The following LRPPRC variants were observed in gnomAD, a reference collection of about 807,000 sequenced individuals.
LRPPRC encodes leucine-rich PPR motif-containing protein, mitochondrial.
Under a neutral mutation model 180.3 loss-of-function variants are expected in LRPPRC, and 120 were observed. That is an observed-to-expected ratio of 0.67 (90% confidence interval 0.57 to 0.77). The LOEUF is 0.77. Among genes scored for constraint, LRPPRC ranks in the 30% least tolerant of loss-of-function variants. The pLI is 0.00. For synonymous variants in LRPPRC, 723 were observed against 600.0 expected (o/e 1.21, Z -3.00); for missense variants, 2,012 against 1,657.2 (o/e 1.21, Z -3.72).
intron 16 of LRPPRC, among the ~76,000 whole-genome samples, chr2:43,949,250 G>A (rs537887309): frequency 6.6e-6 from 1 of 152,214 alleles, no homozygotes; most frequent in East Asian, 1.9e-4. Flanking sequence ...AAATCCACAA[G>A]AACCTTCGCT....
chr2:43,951,534 G>A (rs1403002861), intron 14 of LRPPRC, among the ~76,000 whole-genome samples: 1 of 152,164 alleles, frequency 6.6e-6, no homozygotes. Context: ...TGTCAGGTAT[G>A]ATATTACGGT....
chr2:43,993,242 C>G (rs116080101), intron 1 of LRPPRC, among the ~76,000 whole-genome samples: 1 of 152,112 alleles, frequency 6.6e-6, no homozygotes, highest in African/African-American at 2.4e-5. Context: ...ATTAGAAGGA[C>G]AGCTATCAAT....
chr2:43,959,343 T>C lies in LRPPRC; in HGVS notation c.1582+1198A>G, dbSNP rs1313553849. On this transcript the variant is annotated intron_variant, in intron 13 of 37. Transcript: ENST00000260665. ...TTTTTCATACTGGACACTTTGCCTT[T>C]CCCTTACAATATTACAACAAATATT... The C allele has an allele frequency of 4.9e-6, 3 of 610,996 alleles. 1 individual carries two copies. The highest frequency in any genetic ancestry group is 4.0e-5 in the South Asian group (2 of 49,820). 37.8% of individuals were successfully genotyped at this position (610,996 alleles called of 1,614,324 possible).
intron 13 of LRPPRC, among the ~76,000 whole-genome samples, chr2:43,958,747 C>T (rs146069989): frequency 0.016 from 2,389 of 152,270 alleles, 31 homozygotes; most frequent in Middle Eastern, 0.027. Flanking sequence ...TTCTCTACTA[C>T]CTGACATTTC....
intron 14 of LRPPRC, among the ~76,000 whole-genome samples, chr2:43,952,406 G>C (rs1672942505): frequency 6.6e-6 from 1 of 152,170 alleles, no homozygotes; most frequent in African/African-American, 2.4e-5. Flanking sequence ...AAACCAAGCT[G>C]TTGTAAGGAA....
chr2:43,911,654 G>A (rs186663636), intron 30 of LRPPRC, among the ~76,000 whole-genome samples: 36 of 150,198 alleles, frequency 2.4e-4, no homozygotes, highest in African/African-American at 8.1e-4. Context: ...AGCCTTTTGA[G>A]TAGCTGGGAT....
At chr2:43,910,671 C>T (rs923187022) in intron 30 of LRPPRC, among the ~76,000 whole-genome samples, 2 of 152,142 alleles carry the variant, frequency 1.3e-5, no homozygotes, top group East Asian at 1.9e-4. Context: ...CATGATTCTT[C>T]AATCACTTGG....
Position 43,977,088 on chromosome 2 carries a change from C to CT in LRPPRC, c.592-37dup, listed in dbSNP as rs754484625. 8.1e-6 allele frequency: 13 copies of CT among 1,607,702 alleles called. No homozygotes were observed. In the South Asian group the frequency reaches 1.3e-4, roughly 16 times the overall value. On this transcript the variant is annotated intron_variant, in intron 4 of 37. Transcript: ENST00000260665. ...AATGGGCCAGTTAATTTTAAATATA[C>CT]TTTTTTTTCTGAGTAAAGAAAAAAA... is the stretch of plus-strand genomic sequence containing the variant.
rs1373998447 is a variant in LRPPRC, at chr2:43,923,248, GCAGGAAGACTGCTTGAGCT to G, written c.2896+1800_2896+1818del. On this transcript the variant is annotated intron_variant, in intron 27 of 37. Coordinates refer to ENST00000260665, the MANE Select transcript of LRPPRC (RefSeq NM_133259.4). ...AATCCCAGCACTGTGGAAGGCTGCGGCAGGAAGACTGCTTGAGCTCAGGAGTTCAAGACCATCCTGGGCA... is the reference window on the plus strand; with the variant it reads ...AATCCCAGCACTGTGGAAGGCTGCGGCAGGAGTTCAAGACCATCCTGGGCA... Among the ~76,000 whole-genome samples, 7 of 151,410 alleles carry G rather than the reference GCAGGAAGACTGCTTGAGCT, an allele frequency of 4.6e-5. No homozygotes were observed. In the East Asian group the frequency reaches 1.4e-3, roughly 29 times the overall value.
chr2:43,948,306 C>G, intron 17 of LRPPRC, 106 bp downstream of exon 17: 1 of 917,364 alleles, frequency 1.1e-6, no homozygotes, highest in Non-Finnish European at 1.8e-6. Flanking sequence ...CCAACTCTTG[C>G]ATGTCATTGA....
At chr2:43,921,346 T>A (rs947347515) in intron 27 of LRPPRC, among the ~76,000 whole-genome samples, 1 of 152,122 alleles carries the variant, frequency 6.6e-6, no homozygotes, top group African/African-American at 2.4e-5. Flanking sequence ...ATTCATTTTT[T>A]AAAAAAGTCA....
chr2:43,918,818 T>TATAGAG (rs1558938538), intron 27 of LRPPRC, among the ~76,000 whole-genome samples: 2 of 145,408 alleles, frequency 1.4e-5, no homozygotes, highest in Non-Finnish European at 3.0e-5. Flanking sequence ...TAGATATATA[T>TATAGAG]ATATCTATAT....
chr2:43,928,379 GT>G (rs1369660130), intron 25 of LRPPRC, among the ~76,000 whole-genome samples: 21 of 152,236 alleles, frequency 1.4e-4, no homozygotes, highest in African/African-American at 4.8e-4. Flanking sequence ...AGAAATGAAA[GT>G]TTTTCTACTG....
intron 23 of LRPPRC, among the ~76,000 whole-genome samples, chr2:43,941,783 A>G (rs1056245180): frequency 2.0e-5 from 3 of 148,956 alleles, no homozygotes; most frequent in Non-Finnish European, 4.5e-5. Flanking sequence ...CCTTTTTATT[A>G]TGATAGATGA....
intron 23 of LRPPRC, among the ~76,000 whole-genome samples, chr2:43,938,971 T>G (rs1399540997): frequency 4.6e-5 from 7 of 152,042 alleles, no homozygotes; most frequent in Non-Finnish European, 1.0e-4. Flanking sequence ...GAGAGTATAC[T>G]TAAACAACAA....
At chr2:43,956,590 C>CGTG (rs1673127074) in intron 14 of LRPPRC, among the ~76,000 whole-genome samples, 5 of 151,672 alleles carry the variant, frequency 3.3e-5, no homozygotes, top group Non-Finnish European at 7.4e-5. Flanking sequence ...GGCAAATCTA[C>CGTG]ACAAAGGGTA....
At chr2:43,889,263 C>A (rs953941091) in intron 37 of LRPPRC, among the ~76,000 whole-genome samples, 1 of 123,458 alleles carries the variant, frequency 8.1e-6, no homozygotes, top group Non-Finnish European at 1.6e-5. Flanking sequence ...TGCAGTGAGC[C>A]GAGACCGTGC....
chr2:43,902,045 T>A (rs1175854707), intron 31 of LRPPRC: 1 of 156,326 alleles, frequency 6.4e-6, no homozygotes, highest in Non-Finnish European at 1.4e-5. Flanking sequence ...TATTTTATGA[T>A]TAGATGCCTT....
chr2:43,972,213 G>A (rs548772785), intron 11 of LRPPRC, among the ~76,000 whole-genome samples: 1 of 152,228 alleles, frequency 6.6e-6, no homozygotes, highest in East Asian at 1.9e-4. Flanking sequence ...TGTCTGTGTG[G>A]CCCTCAGTTC....
Sources: allele counts gnomAD v4.1 joint callset (sites outside exome capture counted in the v4.1 genomes callset), GRCh38; gene constraint gnomAD v4.1.1; transcripts MANE v1.5; gene names NCBI Gene and HGNC (gene_info 2026-07-23, HGNC 2026-07-21).